Variants in BLOC1S5 observed in about 807,000 individuals in gnomAD.
BLOC1S5 encodes biogenesis of lysosome-related organelles complex 1 subunit 5.
BLOC1S5 carries 27 observed loss-of-function variants against 24.3 expected under a neutral mutation model. That is an observed-to-expected ratio of 1.11 (90% CI 0.82 to 1.53). BLOC1S5 has a LOEUF of 1.53. BLOC1S5 is among the 40% of genes most tolerant of loss of function. The pLI, the probability that BLOC1S5 is intolerant of heterozygous loss-of-function variation, is 0.00. For synonymous variants in BLOC1S5, 84 were observed against 74.5 expected (o/e 1.13, Z -0.66); for missense variants, 239 against 229.4 (o/e 1.04, Z -0.27).
At chr6:8,053,334 G>A (rs891663142) in intron 2 of BLOC1S5, among the ~76,000 whole-genome samples, 28 of 152,172 alleles carry the variant, frequency 1.8e-4, no homozygotes. Context: ...AGAGTCAATT[G>A]ATGTGGGAAA....
rs1746532879 is a variant in BLOC1S5, at chr6:8,014,786, T to C, written c.*863A>G. On this transcript the variant is annotated 3_prime_UTR_variant, in exon 5 of 5. Coordinates refer to ENST00000397457, the MANE Select transcript of BLOC1S5 (RefSeq NM_201280.3). ...TCCAGAGGGACTCTCTGGCAGATTT[T>C]GTTGATTACTCATTAAACAGTCGAA... 1.3e-5 allele frequency: 2 copies of C among 152,322 alleles called. No homozygotes were observed. The highest frequency in any genetic ancestry group is 4.8e-5 in the African/African-American group (2 of 41,462). The allele number at this position is 152,322 out of a possible 1,614,324, so 9.4% of individuals were successfully genotyped here.
rs182742871 is a variant in BLOC1S5 at position 8,014,392 on chromosome 6, G to C, written c.*1257C>G. On this transcript the variant is annotated 3_prime_UTR_variant, in exon 5 of 5. Transcript: ENST00000397457. ...GAGTTCAGGTGATTCTCGTGCCTCA[G>C]ACTCCTGAGTAGCTGGGATTACAAG... is the stretch of plus-strand genomic sequence containing the variant. 74 of 152,250 alleles carry C rather than the reference G, an allele frequency of 4.9e-4. No individual in the cohort carries two copies. The highest frequency in any genetic ancestry group is 1.7e-3 in the African/African-American group (69 of 41,524). The allele number at this position is 152,250 out of a possible 1,614,324, so 9.4% of individuals were successfully genotyped here. A position where few individuals can be genotyped will look rare whatever the true frequency, so the allele number is the denominator to read the frequency against.
Position 8,035,358 on chromosome 6 carries a change from T to TAA in BLOC1S5, c.325+5780_325+5781insTT, listed in dbSNP as rs202007497. Among the ~76,000 whole-genome samples, 1,208 of 135,670 alleles carry TAA rather than the reference T, an allele frequency of 8.9e-3. 15 individuals carry two copies. Among genetic ancestry groups the TAA allele is most frequent in the African/African-American group, 0.028 (1,058 of 37,418 alleles). The allele number at this position is 135,670 out of a possible 152,430, so 89.0% of individuals were successfully genotyped here. On this transcript the variant is annotated intron_variant, in intron 3 of 4. Transcript: ENST00000397457. The stretch of plus-strand genomic sequence containing the variant: ...AGGAATAAAAATCTTTTTTTTTTTT[T>TAA]TAAAAAAAAGGCATAGAGTGGCTGA...
intron 4 of BLOC1S5, among the ~76,000 whole-genome samples, chr6:8,025,572 AG>A (rs1394276281): frequency 3.9e-5 from 6 of 152,202 alleles, no homozygotes; most frequent in Admixed American, 3.3e-4. Flanking sequence ...TTTAGATTTG[AG>A]CAGAGGGTAC....
intron 3 of BLOC1S5, among the ~76,000 whole-genome samples, chr6:8,029,472 T>TC (rs1763223183): frequency 6.6e-6 from 1 of 152,122 alleles, no homozygotes; most frequent in South Asian, 2.1e-4. Context: ...AGGAGAAGTG[T>TC]CCCTGCCTTA....
At chr6:8,029,130 ACGT>A (rs1196563374) in intron 3 of BLOC1S5, among the ~76,000 whole-genome samples, 22 of 151,974 alleles carry the variant, frequency 1.4e-4, no homozygotes, top group African/African-American at 5.3e-4. Flanking sequence ...TCAAATACAC[ACGT>A]AAGAAAATAA....
intron 4 of BLOC1S5, among the ~76,000 whole-genome samples, chr6:8,023,919 A>T (rs1213011331): frequency 6.6e-6 from 1 of 152,234 alleles, no homozygotes; most frequent in Non-Finnish European, 1.5e-5. Context: ...TACATATGGC[A>T]GTAAAACAGA....
Position 8,015,728 on chromosome 6 carries a change from TC to T in BLOC1S5, c.484del (p.Glu162SerfsTer20). Reference protein sequence around the residue: ...QPNKRAEVDEEHRKAMERLKE... With the variant: ...QPNKRAEVDEXHRKAMERLKE... The stretch of plus-strand genomic sequence containing the variant: ...AAGCCTTTCCATGGCTTTTCTGTGC[TC>T]TTCATCCACTTCAGCCCTTTTGTTG... On this transcript the variant is annotated frameshift_variant, in exon 5 of 5. Coordinates refer to ENST00000397457, the MANE Select transcript of BLOC1S5 (RefSeq NM_201280.3). LOFTEE classifies it high-confidence loss of function. The T allele has an allele frequency of 1.2e-6, 2 of 1,614,184 alleles. No homozygotes were observed. The highest frequency in any genetic ancestry group is 1.7e-6 in the Non-Finnish European group (2 of 1,180,024).
chr6:8,038,726 C>T (rs1763579103), intron 3 of BLOC1S5, among the ~76,000 whole-genome samples: 1 of 152,210 alleles, frequency 6.6e-6, no homozygotes, highest in South Asian at 2.1e-4. Flanking sequence ...CCTCATGATC[C>T]ACCCGCCTCG....
At chr6:8,049,400 G>A (rs959272586) in intron 2 of BLOC1S5, among the ~76,000 whole-genome samples, 2 of 151,328 alleles carry the variant, frequency 1.3e-5, no homozygotes, top group African/African-American at 4.8e-5. Context: ...AAGAAAGAAC[G>A]TGGAACAATT....
intron 2 of BLOC1S5, among the ~76,000 whole-genome samples, chr6:8,055,995 C>T (rs534611311): frequency 2.0e-5 from 3 of 152,272 alleles, no homozygotes; most frequent in Non-Finnish European, 4.4e-5. Context: ...GGATTAAGGC[C>T]ATCATCAAAA....
At chr6:8,024,809 A>G (rs1243701041) in intron 4 of BLOC1S5, among the ~76,000 whole-genome samples, 2 of 152,224 alleles carry the variant, frequency 1.3e-5, no homozygotes, top group Non-Finnish European at 2.9e-5. Flanking sequence ...AATTTTTATA[A>G]TGCAATTTAC....
chr6:8,020,471 C>T (rs1344894290), intron 4 of BLOC1S5, among the ~76,000 whole-genome samples: 1 of 152,224 alleles, frequency 6.6e-6, no homozygotes, highest in African/African-American at 2.4e-5. Flanking sequence ...GTTCTTCTCC[C>T]CCAAAACACT....
intron 2 of BLOC1S5, among the ~76,000 whole-genome samples, chr6:8,051,643 G>A (rs867945115): frequency 6.6e-6 from 1 of 152,240 alleles, no homozygotes; most frequent in African/African-American, 2.4e-5. Flanking sequence ...AGCTTCAAAG[G>A]ACAAGCTAAC....
intron 2 of BLOC1S5, among the ~76,000 whole-genome samples, chr6:8,050,094 T>A (rs1391616385): frequency 6.6e-6 from 1 of 152,240 alleles, no homozygotes; most frequent in Non-Finnish European, 1.5e-5. Flanking sequence ...AATTGAAGGT[T>A]TGTGGCAACG....
At chr6:8,056,830 G>T (rs1354670882) in intron 2 of BLOC1S5, among the ~76,000 whole-genome samples, 1 of 152,182 alleles carries the variant, frequency 6.6e-6, no homozygotes, top group African/African-American at 2.4e-5. Context: ...CTTATTTAAA[G>T]GGTTATTTAT....
At chr6:8,041,010 G>C in intron 3 of BLOC1S5, 129 bp downstream of exon 3, 1 of 1,083,738 alleles carries the variant, frequency 9.2e-7, no homozygotes, top group South Asian at 1.8e-5. Context: ...TTAATCACTA[G>C]AAAACCACTT....
At chr6:8,037,161 G>T (rs1270091851) in intron 3 of BLOC1S5, among the ~76,000 whole-genome samples, 1 of 152,132 alleles carries the variant, frequency 6.6e-6, no homozygotes, top group Non-Finnish European at 1.5e-5. Flanking sequence ...AAGGGCACAC[G>T]AATTGGAAAG....
At chr6:8,023,467 G>A (rs148324534) in intron 4 of BLOC1S5, among the ~76,000 whole-genome samples, 8,404 of 152,162 alleles carry the variant, frequency 0.055, 333 homozygotes, top group Middle Eastern at 0.14. Flanking sequence ...GCGTGCGCCT[G>A]TAATCCCAGC....
Sources: allele counts gnomAD v4.1 joint callset (sites outside exome capture counted in the v4.1 genomes callset), GRCh38; gene constraint gnomAD v4.1.1; transcripts MANE v1.5; gene names NCBI Gene and HGNC (gene_info 2026-07-23, HGNC 2026-07-21).